The following UGT1A4 variants were observed in gnomAD, a reference collection of about 807,000 sequenced individuals.
UGT1A4 encodes the protein UDP-glucuronosyltransferase 1A4.
In UGT1A4, 32 loss-of-function variants were observed where a neutral mutation model predicts 41.1. The observed-to-expected ratio is 0.78, with a 90% CI of 0.59 to 1.05. The LOEUF is 1.05. Ranked by LOEUF, UGT1A4 falls within the 50% of genes least tolerant of loss-of-function variation. UGT1A4 has a pLI of 0.00. For synonymous variants in UGT1A4, 283 were observed against 265.1 expected (o/e 1.07, Z -0.66); for missense variants, 748 against 677.4 (o/e 1.10, Z -1.16).
chr2:233,738,092 G>A (rs994009191), intron 1 of UGT1A4, among the ~76,000 whole-genome samples: 1 of 152,196 alleles, frequency 6.6e-6, no homozygotes, highest in African/African-American at 2.4e-5. Context: ...ATCATAGTGA[G>A]TGAGTTCTTA....
chr2:233,743,730 C>A (rs189214805), intron 1 of UGT1A4: 9 of 1,367,384 alleles, frequency 6.6e-6, no homozygotes, highest in East Asian at 4.5e-5. Context: ...TCATAGATAT[C>A]GCGTTTCTTG....
intron 1 of UGT1A4, chr2:233,761,219 T>C: frequency 6.2e-7 from 1 of 1,613,544 alleles, no homozygotes; most frequent in South Asian, 1.1e-5. Flanking sequence ...ATCGATTAAC[T>C]AGCCCCAGAT....
At chr2:233,731,988 G>T (rs2078227484) in intron 1 of UGT1A4, among the ~76,000 whole-genome samples, 1 of 152,200 alleles carries the variant, frequency 6.6e-6, no homozygotes, top group South Asian at 2.1e-4. Flanking sequence ...TAACTGGCGT[G>T]AGATGGTATC....
intron 4 of UGT1A4, among the ~76,000 whole-genome samples, chr2:233,771,925 G>A (rs1269829032): frequency 6.6e-6 from 1 of 151,860 alleles, no homozygotes; most frequent in Non-Finnish European, 1.5e-5. Flanking sequence ...ACACAGCCTG[G>A]GCAACACAAT....
chr2:233,757,130 G>T (rs368401609), intron 1 of UGT1A4, among the ~76,000 whole-genome samples: 1 of 151,410 alleles, frequency 6.6e-6, no homozygotes, highest in Non-Finnish European at 1.5e-5. Context: ...GAGGAGGAAT[G>T]AGCTTGGACA....
At chr2:233,737,438 C>T (rs756713740) in intron 1 of UGT1A4, among the ~76,000 whole-genome samples, 1 of 152,164 alleles carries the variant, frequency 6.6e-6, no homozygotes, top group Non-Finnish European at 1.5e-5. Context: ...GTGGGAGTGT[C>T]CCGTTTTTCC....
At position 233,744,330 on chromosome 2, in the gene UGT1A4, T is replaced by A. The variant is rs1692777222; in HGVS notation, c.868-22704T>A. Among the ~76,000 whole-genome samples the A allele has an allele frequency of 1.3e-5, 2 of 151,878 alleles. 1 individual carries two copies. The highest frequency in any genetic ancestry group is 4.9e-5 in the African/African-American group (2 of 41,124). On this transcript the variant is annotated intron_variant, in intron 1 of 4. Coordinates refer to ENST00000373409, the MANE Select transcript of UGT1A4 (RefSeq NM_007120.3). Reference sequence around the variant, plus strand: ...GGGAAGAGGGTGGTGGGAGTGAGTTTAGTCTGACTGGGGCTGAAGACATCC... The same window carrying A: ...GGGAAGAGGGTGGTGGGAGTGAGTTAAGTCTGACTGGGGCTGAAGACATCC...
chr2:233,757,541 T>TATACATATACATATAC (rs1229454769), intron 1 of UGT1A4, among the ~76,000 whole-genome samples: 1 of 117,592 alleles, frequency 8.5e-6, no homozygotes, highest in Admixed American at 8.1e-5. Context: ...AAGGAATATA[T>TATACATATACATATAC]ATATATATAT....
chr2:233,770,455 A>T (rs903654050), intron 4 of UGT1A4: 7 of 152,170 alleles, frequency 4.6e-5, no homozygotes, highest in African/African-American at 1.7e-4. Context: ...GGAGTTCGAA[A>T]CCAACCTGAC....
Position 233,766,771 on chromosome 2 carries a change from C to T in UGT1A4, c.868-263C>T, listed in dbSNP as rs71528513. ...GTGCATGTGTGTGCATGTACCTGTG[C>T]TTTTCTTTTGGAAAACTAGCACATT... On this transcript the variant is annotated intron_variant, in intron 1 of 4. Transcript: ENST00000373409. 5.2e-3 allele frequency among the ~76,000 whole-genome samples: 785 copies of T among 152,286 alleles called. 3 individuals are homozygous for T. The highest frequency in any genetic ancestry group is 8.7e-3 in the Non-Finnish European group (595 of 68,032).
At chr2:233,768,577 TTCTTC>T in intron 4 of UGT1A4, 138 bp downstream of exon 4, 1 of 1,379,982 alleles carries the variant, frequency 7.2e-7, no homozygotes, top group Non-Finnish European at 9.4e-7. Context: ...GGATTTTTAT[TTCTTC>T]TTTTTTTTTT....
At chr2:233,739,657 C>A (rs772609637) in intron 1 of UGT1A4, among the ~76,000 whole-genome samples, 1 of 152,202 alleles carries the variant, frequency 6.6e-6, no homozygotes, top group Admixed American at 6.5e-5. Context: ...TTCTGTACCC[C>A]CATTGTGTCT....
chr2:233,729,562 T>C lies in UGT1A4; in HGVS notation c.867+9875T>C, dbSNP rs201451179. ...GATCAGGCACCTGAATGCTACTTCC[T>C]TTGATGTGGTTTTAACAGACCCCGT... On this transcript the variant is annotated intron_variant, in intron 1 of 4. Transcript: ENST00000373409. 8.7e-6 allele frequency: 14 copies of C among 1,614,160 alleles called. No homozygotes were observed. The East Asian group carries it at 3.1e-4, about 36-fold the overall frequency.
chr2:233,743,469 A>T, intron 1 of UGT1A4: 3 of 1,366,764 alleles, frequency 2.2e-6, no homozygotes, highest in Non-Finnish European at 2.9e-6. Flanking sequence ...CACCCCCAAA[A>T]GCTGGAAATT....
chr2:233,772,619 A>G lies in UGT1A4; in HGVS notation c.*60A>G. ...ATTCCCTAGTCATTTCCAAACTTGAAAACAGAATCAGTGTTAAATTCATTT... is the reference window on the plus strand; with the variant it reads ...ATTCCCTAGTCATTTCCAAACTTGAGAACAGAATCAGTGTTAAATTCATTT... On this transcript the variant is annotated 3_prime_UTR_variant, in exon 5 of 5. Coordinates refer to ENST00000373409, the MANE Select transcript of UGT1A4 (RefSeq NM_007120.3). The G allele has an allele frequency of 1.3e-6, 2 of 1,569,672 alleles. No homozygotes were observed. The highest frequency in any genetic ancestry group is 1.7e-6 in the Non-Finnish European group (2 of 1,156,572).
chr2:233,759,887 T>G (rs1697280307), intron 1 of UGT1A4, among the ~76,000 whole-genome samples: 1 of 152,200 alleles, frequency 6.6e-6, no homozygotes, highest in African/African-American at 2.4e-5. Flanking sequence ...GTTCTTTTCT[T>G]TCTAAAAGGC....
chr2:233,728,926 A>AAAAACTG (rs1334222423), intron 1 of UGT1A4, among the ~76,000 whole-genome samples: 4,919 of 152,266 alleles, frequency 0.032, 259 homozygotes, highest in African/African-American at 0.11. Flanking sequence ...GATAGTCATG[A>AAAAACTG]TCGGTCTTTT....
At chr2:233,762,469 A>G (rs1394204644) in intron 1 of UGT1A4, among the ~76,000 whole-genome samples, 1 of 152,192 alleles carries the variant, frequency 6.6e-6, no homozygotes, top group African/African-American at 2.4e-5. Context: ...AATGTCATGG[A>G]TATCACTCCA....
intron 1 of UGT1A4, chr2:233,743,331 T>G (rs1692262646): frequency 1.3e-6 from 1 of 770,826 alleles, no homozygotes; most frequent in South Asian, 1.4e-5. Context: ...CATCAACTAT[T>G]TCAGTGGAAG....
Sources: allele counts gnomAD v4.1 joint callset (sites outside exome capture counted in the v4.1 genomes callset), GRCh38; gene constraint gnomAD v4.1.1; transcripts MANE v1.5; gene names NCBI Gene and HGNC (gene_info 2026-07-23, HGNC 2026-07-21).